Variants in UFSP2 observed in about 807,000 individuals in gnomAD.
UFSP2 encodes the protein ufm1-specific protease 2.
Under a neutral mutation model 60.2 loss-of-function variants are expected in UFSP2, and 43 were observed. The ratio of observed to expected loss-of-function variants is 0.71; its 90% CI spans 0.56 to 0.92. The LOEUF is 0.92. Among genes scored for constraint, UFSP2 ranks in the 40% least tolerant of loss-of-function variants. The probability of loss-of-function intolerance (pLI) is 0.00; values close to 1 mark genes in which losing one functional copy is unlikely to be tolerated. For synonymous variants in UFSP2, 183 were observed against 195.1 expected (o/e 0.94, Z 0.52); for missense variants, 520 against 575.0 (o/e 0.90, Z 0.98).
At chr4:185,419,710 A>G (rs1343834580) in intron 2 of UFSP2, among the ~76,000 whole-genome samples, 1 of 152,216 alleles carries the variant, frequency 6.6e-6, no homozygotes, top group African/African-American at 2.4e-5. Context: ...TCTTTCACTT[A>G]GCTTAATGTT....
rs1357745096 is a variant in UFSP2, at chr4:185,418,055, C to CACACACACACACACACAT, written c.333+385_333+386insATGTGTGTGTGTGTGTGT. 1.3e-4 allele frequency among the ~76,000 whole-genome samples: 19 copies of CACACACACACACACACAT among 150,198 alleles called. No individual in the cohort carries two copies. In the East Asian group the frequency reaches 1.9e-3, roughly 15 times the overall value. On this transcript the variant is annotated intron_variant, in intron 4 of 11. Transcript: ENST00000264689. ...GTGAAACTCCATCTCAAAACACACA[C>CACACACACACACACACAT]ACACACACACACAAACAACAGAACC...
chr4:185,424,572 T>C (rs2095555588), intron 1 of UFSP2, among the ~76,000 whole-genome samples: 1 of 152,228 alleles, frequency 6.6e-6, no homozygotes, highest in African/African-American at 2.4e-5. Flanking sequence ...CAAATTTAGC[T>C]TCATGTTGTC....
At position 185,418,674 on chromosome 4, in the gene UFSP2, A is replaced by T. The variant is rs751624574; in HGVS notation, c.179T>A (p.Val60Glu). 4 of 1,614,058 alleles carry T rather than the reference A, an allele frequency of 2.5e-6. No individual in the cohort carries two copies. The part of the protein sequence containing the change: ...ALVFRICHSS[V>E]YIWPSSDINT... ...TATGTCACTGCTAGGCCATATATAC[A>T]CTGAACTGTGGCAAATTCTGAACAC... The change falls in exon 3 of 12, where the codon GTG becomes GAG. Residue 60 changes from valine to glutamate, a missense_variant. By Grantham distance (121) the Val-to-Glu change is moderately radical. Transcript: ENST00000264689.
rs1464918990 is a variant in UFSP2 at position 185,402,353 on chromosome 4, G to C, written c.1323+1141C>G. On this transcript the variant is annotated intron_variant, in intron 11 of 11. Coordinates refer to ENST00000264689, the MANE Select transcript of UFSP2 (RefSeq NM_018359.5). ...ACTTCAAATTCCAAATGCTGTGAAA[G>C]AGAAAAGGAAAAAAAAACACTTAAA... The C allele has an allele frequency of 6.7e-6, 3 of 449,114 alleles. No individual in the cohort carries two copies. In the Admixed American group the frequency reaches 7.4e-5, roughly 11 times the overall value. The allele number at this position is 449,114 out of a possible 1,614,324, so 27.8% of individuals were successfully genotyped here. A position where few individuals can be genotyped will look rare whatever the true frequency, so the allele number is the denominator to read the frequency against.
intron 7 of UFSP2, among the ~76,000 whole-genome samples, chr4:185,412,159 T>C (rs558118728): frequency 1.3e-5 from 2 of 152,362 alleles, no homozygotes; most frequent in African/African-American, 4.8e-5. Context: ...ACATATCAAA[T>C]ATTACATGAT....
chr4:185,411,541 AAAAT>A (rs1293763067), intron 7 of UFSP2, among the ~76,000 whole-genome samples: 1 of 152,248 alleles, frequency 6.6e-6, no homozygotes, highest in Non-Finnish European at 1.5e-5. Flanking sequence ...AGGGGAATAA[AAAAT>A]AATGAGTCAT....
chr4:185,421,529 T>A (rs2095549373), intron 2 of UFSP2, among the ~76,000 whole-genome samples: 1 of 152,072 alleles, frequency 6.6e-6, no homozygotes, highest in Non-Finnish European at 1.5e-5. Flanking sequence ...CCTCCTCTCT[T>A]TTGCTCCTTC....
intron 2 of UFSP2, among the ~76,000 whole-genome samples, chr4:185,420,006 G>T (rs75237775): frequency 6.6e-6 from 1 of 152,096 alleles, no homozygotes; most frequent in Non-Finnish European, 1.5e-5. Flanking sequence ...TTCAGCAGCC[G>T]CACCATTTTA....
intron 11 of UFSP2, chr4:185,402,220 G>T: frequency 2.3e-6 from 1 of 439,390 alleles, no homozygotes. Flanking sequence ...CCTGGCACTT[G>T]TTAGGTACTT....
chr4:185,424,291 G>A (rs1314883404), intron 1 of UFSP2, among the ~76,000 whole-genome samples: 2 of 152,202 alleles, frequency 1.3e-5, no homozygotes, highest in East Asian at 3.9e-4. Context: ...AAGCAACAGA[G>A]CAAGATCTTG....
At position 185,400,470 on chromosome 4, in the gene UFSP2, G is replaced by A. The variant is rs375981304; in HGVS notation, c.1332C>T (p.Cys444=). The part of the protein sequence containing the change: ...DLQVILEKGW[C]GWKGPDFWNK... ...TCCAAAAATCTGGGCCCTTCCATCCGCACCAGCCCTGGATAGAGAAGACGG... is the reference window on the plus strand; with the variant it reads ...TCCAAAAATCTGGGCCCTTCCATCCACACCAGCCCTGGATAGAGAAGACGG... Residue 444 remains cysteine, a synonymous_variant, in exon 12 of 12, where the codon TGC becomes TGT. Coordinates refer to ENST00000264689, the MANE Select transcript of UFSP2 (RefSeq NM_018359.5). The A allele has an allele frequency of 2.7e-5, 44 of 1,612,490 alleles. 1 individual carries two copies. The East Asian group carries it at 6.0e-4, about 22-fold the overall frequency.
chr4:185,402,125 T>G, intron 11 of UFSP2: 1 of 266,876 alleles, frequency 3.7e-6, no homozygotes, highest in Non-Finnish European at 7.7e-6. Flanking sequence ...TTCTCGAGAG[T>G]CCTTTTTGCA....
At chr4:185,407,221 T>C (rs1219781428) in intron 9 of UFSP2, among the ~76,000 whole-genome samples, 1 of 151,594 alleles carries the variant, frequency 6.6e-6, no homozygotes, top group Non-Finnish European at 1.5e-5. Flanking sequence ...CAGCTAATTT[T>C]TTTTGTATTT....
Position 185,405,500 on chromosome 4 carries a change from A to G in UFSP2, c.1198+280T>C, listed in dbSNP as rs368688998. ...AGTCATGACTTACGAAGCTCAGCTGAGTGACCGTTTCCTCTTTTTAATACT... is the reference window on the plus strand; with the variant it reads ...AGTCATGACTTACGAAGCTCAGCTGGGTGACCGTTTCCTCTTTTTAATACT... On this transcript the variant is annotated intron_variant, in intron 10 of 11. Coordinates refer to ENST00000264689, the MANE Select transcript of UFSP2 (RefSeq NM_018359.5). 1.7e-4 allele frequency among the ~76,000 whole-genome samples: 26 copies of G among 152,336 alleles called. No individual in the cohort carries two copies. The South Asian group carries it at 4.8e-3, about 28-fold the overall frequency.
chr4:185,416,383 C>A (rs74707396), intron 4 of UFSP2, among the ~76,000 whole-genome samples: 7,853 of 152,190 alleles, frequency 0.052, 252 homozygotes, highest in South Asian at 0.088. Flanking sequence ...ACTATATACC[C>A]CTGGTCTAAT....
chr4:185,405,359 G>A (rs926708226), intron 10 of UFSP2, among the ~76,000 whole-genome samples: 118 of 152,230 alleles, frequency 7.8e-4, no homozygotes, highest in African/African-American at 2.8e-3. Flanking sequence ...GACAGGTCTT[G>A]TTCTTCAAAG....
intron 2 of UFSP2, 142 bp from the exon 3 acceptor site, chr4:185,418,912 T>C: frequency 3.1e-6 from 2 of 645,652 alleles, no homozygotes; most frequent in Non-Finnish European, 4.8e-6. Flanking sequence ...ATTTTTTGCC[T>C]ATCTTTTTAA....
intron 5 of UFSP2, 114 bp from the exon 6 acceptor site, chr4:185,415,461 C>A: frequency 1.1e-6 from 1 of 941,990 alleles, no homozygotes; most frequent in Non-Finnish European, 1.5e-6. Flanking sequence ...ACCAGGTTTG[C>A]TAAAGGAAGT....
chr4:185,420,270 T>TA (rs2153293621), intron 2 of UFSP2, among the ~76,000 whole-genome samples: 1 of 152,300 alleles, frequency 6.6e-6, no homozygotes, highest in African/African-American at 2.4e-5. Context: ...ATAGACTTTT[T>TA]AAAAAATATG....
Sources: allele counts gnomAD v4.1 joint callset (sites outside exome capture counted in the v4.1 genomes callset), GRCh38; gene constraint gnomAD v4.1.1; transcripts MANE v1.5; gene names NCBI Gene and HGNC (gene_info 2026-07-23, HGNC 2026-07-21).